SCD5: variants seen among roughly 807,000 people sequenced by gnomAD.
SCD5 encodes the protein stearoyl-CoA desaturase 5.
SCD5 carries 20 observed loss-of-function variants against 30.4 expected under a neutral mutation model. That is an observed-to-expected ratio of 0.66 (90% confidence interval 0.46 to 0.96). The LOEUF is 0.96. Ranked by LOEUF, SCD5 falls within the 40% of genes least tolerant of loss-of-function variation. The pLI is 0.00. For synonymous variants in SCD5, 173 were observed against 176.4 expected (o/e 0.98, Z 0.16); for missense variants, 381 against 443.3 (o/e 0.86, Z 1.26).
Position 82,725,430 on chromosome 4 carries a change from T to C in SCD5, c.233-20017A>G, listed in dbSNP as rs144209184. Among the ~76,000 whole-genome samples, 741 of 152,316 alleles carry C rather than the reference T, an allele frequency of 4.9e-3. 3 individuals carry two copies. Among genetic ancestry groups the C allele is most frequent in the Middle Eastern group, 0.02 (6 of 294 alleles). ...TCACTATCAACCACTCACAGTACTA[T>C]ACCAGCACCTTCCACTTGTCTCACC... On this transcript the variant is annotated intron_variant, in intron 1 of 4. Coordinates refer to ENST00000319540, the MANE Select transcript of SCD5 (RefSeq NM_001037582.3).
chr4:82,657,210 T>C (rs1727883771), intron 3 of SCD5, among the ~76,000 whole-genome samples: 1 of 152,228 alleles, frequency 6.6e-6, no homozygotes, highest in Admixed American at 6.5e-5. Context: ...AGGTTTTTCT[T>C]CTAGGGTTTT....
chr4:82,655,682 C>G (rs1727854680), intron 3 of SCD5, among the ~76,000 whole-genome samples: 1 of 152,030 alleles, frequency 6.6e-6, no homozygotes, highest in Non-Finnish European at 1.5e-5. Flanking sequence ...CAGGGATTGG[C>G]AAAATGAAAA....
At chr4:82,773,676 T>C (rs916132982) in intron 1 of SCD5, among the ~76,000 whole-genome samples, 4 of 152,220 alleles carry the variant, frequency 2.6e-5, no homozygotes, top group African/African-American at 9.6e-5. Flanking sequence ...GGGGAGTTTC[T>C]ATCCACTAGA....
intron 1 of SCD5, among the ~76,000 whole-genome samples, chr4:82,737,751 T>C (rs1560548536): frequency 6.6e-6 from 1 of 152,120 alleles, no homozygotes; most frequent in Non-Finnish European, 1.5e-5. Flanking sequence ...TAAGGCAGAG[T>C]TTCATGTCGT....
intron 1 of SCD5, chr4:82,775,891 G>A (rs1721733504): frequency 6.6e-6 from 1 of 152,278 alleles, no homozygotes; most frequent in East Asian, 1.9e-4. Flanking sequence ...AAACATAGAG[G>A]CTGCAGCTTT....
chr4:82,750,347 C>T (rs2148842053), intron 1 of SCD5, among the ~76,000 whole-genome samples: 1 of 152,220 alleles, frequency 6.6e-6, no homozygotes, highest in East Asian at 1.9e-4. Context: ...CTACCTACAC[C>T]CTGCAGGAGT....
chr4:82,789,053 C>T (rs1722045404), intron 1 of SCD5, among the ~76,000 whole-genome samples: 1 of 152,214 alleles, frequency 6.6e-6, no homozygotes, highest in Admixed American at 6.5e-5. Context: ...CAATTTGCTA[C>T]ACAAGTTTGT....
intron 1 of SCD5, among the ~76,000 whole-genome samples, chr4:82,779,781 T>C (rs1721830335): frequency 1.3e-5 from 2 of 152,196 alleles, no homozygotes; most frequent in South Asian, 2.1e-4. Flanking sequence ...CCCAAAACCT[T>C]GGGGTCAGAT....
intron 2 of SCD5, 40 bp from the exon 3 acceptor site, chr4:82,680,952 C>A (rs1416396880): frequency 1.3e-6 from 2 of 1,571,994 alleles, no homozygotes; most frequent in Non-Finnish European, 1.7e-6. Context: ...AGAGGAACCG[C>A]ACCGCCGAGC....
chr4:82,775,896 A>T (rs1288722216), intron 1 of SCD5: 3 of 152,290 alleles, frequency 2.0e-5, no homozygotes, highest in African/African-American at 4.8e-5. Flanking sequence ...TAGAGGCTGC[A>T]GCTTTCAGAG....
chr4:82,664,493 A>T (rs1185817752), intron 3 of SCD5, among the ~76,000 whole-genome samples: 6 of 152,212 alleles, frequency 3.9e-5, no homozygotes, highest in African/African-American at 1.4e-4. Context: ...TAATAGAACC[A>T]TTCTCAGAAA....
At chr4:82,735,243 C>T (rs1160274782) in intron 1 of SCD5, among the ~76,000 whole-genome samples, 1 of 152,126 alleles carries the variant, frequency 6.6e-6, no homozygotes, top group Non-Finnish European at 1.5e-5. Flanking sequence ...TCTCTGGGTA[C>T]TCTGGTTTCC....
chr4:82,634,215 G>C (rs4693042), intron 4 of SCD5, among the ~76,000 whole-genome samples: 136,651 of 152,254 alleles, frequency 0.9, 61,446 homozygotes, highest in East Asian at 0.99. Flanking sequence ...TATGAACATT[G>C]ATATACAAGT....
chr4:82,717,422 G>T (rs946343046), intron 1 of SCD5, among the ~76,000 whole-genome samples: 2 of 151,696 alleles, frequency 1.3e-5, no homozygotes, highest in East Asian at 3.8e-4. Flanking sequence ...TCACCATTAG[G>T]GAAAATTGAG....
intron 1 of SCD5, among the ~76,000 whole-genome samples, chr4:82,763,741 T>C (rs1199085290): frequency 1.3e-5 from 2 of 152,244 alleles, no homozygotes; most frequent in Non-Finnish European, 2.9e-5. Flanking sequence ...ATCTTGACCT[T>C]GGACGTCCAG....
At chr4:82,709,536 A>C (rs1041475256) in intron 1 of SCD5, among the ~76,000 whole-genome samples, 13 of 152,246 alleles carry the variant, frequency 8.5e-5, no homozygotes, top group Admixed American at 8.5e-4. Flanking sequence ...AAGAAACAAG[A>C]ATTTAGGCTA....
At chr4:82,645,952 C>T (rs923855304) in intron 3 of SCD5, among the ~76,000 whole-genome samples, 1 of 152,178 alleles carries the variant, frequency 6.6e-6, no homozygotes, top group African/African-American at 2.4e-5. Flanking sequence ...TTTCCTACTG[C>T]TTTGCTAACC....
intron 1 of SCD5, among the ~76,000 whole-genome samples, chr4:82,756,284 G>C (rs990062645): frequency 1.3e-5 from 2 of 152,180 alleles, no homozygotes; most frequent in African/African-American, 4.8e-5. Context: ...TGCCCTCCTG[G>C]ACCAGTCAGG....
At chr4:82,777,591 T>C (rs1721771407) in intron 1 of SCD5, among the ~76,000 whole-genome samples, 1 of 152,220 alleles carries the variant, frequency 6.6e-6, no homozygotes, top group Non-Finnish European at 1.5e-5. Flanking sequence ...CGTGGTTAAA[T>C]GCACTGCTAT....
Sources: gnomAD v4.1 joint callset for allele counts (sites outside exome capture counted in the v4.1 genomes callset) on GRCh38, gnomAD v4.1.1 for gene constraint, MANE v1.5 for transcripts, NCBI Gene and HGNC (gene_info 2026-07-23, HGNC 2026-07-21) for gene names.